The following OR1M1 variants were observed in gnomAD, a reference collection of about 807,000 sequenced individuals.
OR1M1 encodes the protein olfactory receptor family 1 subfamily M member 1.
For missense variants in OR1M1, 397 were observed against 401.8 expected (o/e 0.99, Z 0.10); for synonymous variants, 157 against 165.5 (o/e 0.95, Z 0.39).
chr19:9,092,573 C>T (rs140907584), intron 1 of OR1M1, among the ~76,000 whole-genome samples: 43 of 152,178 alleles, frequency 2.8e-4, no homozygotes, highest in Non-Finnish European at 5.3e-4. Flanking sequence ...ACTGCACTCC[C>T]TCCTGGGTGA....
At chr19:9,092,933 T>G (rs1444816047) in intron 1 of OR1M1, among the ~76,000 whole-genome samples, 1 of 148,712 alleles carries the variant, frequency 6.7e-6, no homozygotes, top group Non-Finnish European at 1.5e-5. Flanking sequence ...ATACATAATA[T>G]GTAATAATAT....
rs1392824432 is a variant in OR1M1 at position 9,093,233 on chromosome 19, G to A, written c.-12G>A. The A allele has an allele frequency of 1.9e-6, 3 of 1,577,438 alleles. No homozygotes were observed. Among genetic ancestry groups the A allele is most frequent in the East Asian group, 2.2e-5 (1 of 44,578 alleles). On this transcript the variant is annotated splice_region_variant and 5_prime_UTR_variant, in exon 2 of 2. Coordinates refer to ENST00000641627, the MANE Select transcript of OR1M1 (RefSeq NM_001004456.2). The stretch of plus-strand genomic sequence containing the variant: ...AACCTCCCCTTTCCATACTTCCAGA[G>A]GAATCACACCCATGGAACCAAGAAA...
At chr19:9,090,091 G>A (rs561098900) in intron 1 of OR1M1, among the ~76,000 whole-genome samples, 2 of 152,222 alleles carry the variant, frequency 1.3e-5, no homozygotes, top group South Asian at 4.1e-4. Flanking sequence ...AGAGACCTTC[G>A]ATCAGTGCCT....
chr19:9,089,358 G>A (rs935042102), intron 1 of OR1M1, among the ~76,000 whole-genome samples: 17 of 151,030 alleles, frequency 1.1e-4, no homozygotes, highest in African/African-American at 3.4e-4. Context: ...CCATGTTGCT[G>A]TAAATGACAA....
At chr19:9,088,173 G>A (rs2050274418) in intron 1 of OR1M1, among the ~76,000 whole-genome samples, 1 of 152,136 alleles carries the variant, frequency 6.6e-6, no homozygotes, top group African/African-American at 2.4e-5. Flanking sequence ...TTACAAGCAT[G>A]AGCCACTGCG....
At chr19:9,092,629 T>C (rs142480168) in intron 1 of OR1M1, among the ~76,000 whole-genome samples, 1,926 of 151,882 alleles carry the variant, frequency 0.013, 47 homozygotes, top group African/African-American at 0.043. Context: ...TAGCCTGGCG[T>C]GGTGGCTCAC....
At chr19:9,090,027 T>C (rs2050284378) in intron 1 of OR1M1, among the ~76,000 whole-genome samples, 2 of 152,228 alleles carry the variant, frequency 1.3e-5, no homozygotes, top group South Asian at 4.1e-4. Context: ...CTTCCATTTC[T>C]TCCTGCATGA....
chr19:9,093,191 C>G (rs747426471), intron 1 of OR1M1, 41 bp from the exon 2 acceptor site: 1 of 1,314,392 alleles, frequency 7.6e-7, no homozygotes, highest in Admixed American at 2.1e-5. Context: ...CCAAAACCAT[C>G]TCCCTGTCAT....
chr19:9,093,648 T>C lies in OR1M1; in HGVS notation c.404T>C (p.Ile135Thr). The C allele has an allele frequency of 6.2e-7, 1 of 1,614,170 alleles. No individual in the cohort carries two copies. ...TGCCACCCATTGCACTACGCCAAGA[T>C]CATGAGCCTACGCCTCTGTCGCCTG... Reference protein sequence around the residue: ...AICHPLHYAKIMSLRLCRLLV... With the variant: ...AICHPLHYAKTMSLRLCRLLV... The change falls in exon 2 of 2, where the codon ATC (isoleucine) becomes ACC (threonine). Residue 135 changes from isoleucine to threonine, a missense_variant. Transcript: ENST00000641627.
intron 1 of OR1M1, among the ~76,000 whole-genome samples, chr19:9,088,396 T>C (rs924077326): frequency 1.3e-5 from 2 of 152,102 alleles, no homozygotes; most frequent in South Asian, 2.1e-4. Flanking sequence ...GGAGAGAGGC[T>C]CATCAAGAAG....
chr19:9,090,335 G>A (rs181214953), intron 1 of OR1M1, among the ~76,000 whole-genome samples: 8 of 152,198 alleles, frequency 5.3e-5, no homozygotes, highest in East Asian at 1.9e-4. Flanking sequence ...ATGAATGAAC[G>A]AATGCGTGAG....
chr19:9,094,448 C>G lies in OR1M1; in HGVS notation c.*262C>G. ...CTAATTTGGCCAGGCTGGTCTGGAA[C>G]TCCTGGGCTCAAGCAGTACTTCCCC... On this transcript the variant is annotated 3_prime_UTR_variant, in exon 2 of 2. Transcript: ENST00000641627. 1 of 316,762 alleles carries G rather than the reference C, an allele frequency of 3.2e-6. No individual in the cohort carries two copies. 19.6% of individuals were successfully genotyped at this position (316,762 alleles called of 1,614,324 possible).
At chr19:9,090,115 A>C (rs2050284740) in intron 1 of OR1M1, among the ~76,000 whole-genome samples, 1 of 152,206 alleles carries the variant, frequency 6.6e-6, no homozygotes, top group South Asian at 2.1e-4. Flanking sequence ...AATACAGGAT[A>C]ACCATCACTG....
chr19:9,093,436 C>T lies in OR1M1; in HGVS notation c.192C>T (p.Ala64=). 1.2e-6 allele frequency: 2 copies of T among 1,614,092 alleles called. No homozygotes were observed. The highest frequency in any genetic ancestry group is 1.7e-5 in the Admixed American group (1 of 59,978). Residue 64 remains alanine, a synonymous_variant, in exon 2 of 2, where the codon GCC becomes GCT. Transcript: ENST00000641627. ...ACACCCCCATGTACTTCTTCCTGGC[C>T]AACCTGTCCCTGGTTGATTTCTGTC... ...HLHTPMYFFL[A]NLSLVDFCLA...
At chr19:9,087,299 A>C (rs530493769) in intron 1 of OR1M1, 142 bp downstream of exon 1, 3 of 152,182 alleles carry the variant, frequency 2.0e-5, no homozygotes, top group South Asian at 4.2e-4. Flanking sequence ...TATTTTAGAG[A>C]CAGAACCTTG....
intron 1 of OR1M1, among the ~76,000 whole-genome samples, chr19:9,089,421 ATTTTT>A (rs35699571): frequency 1.7e-5 from 2 of 118,724 alleles, no homozygotes; most frequent in Non-Finnish European, 1.7e-5. Flanking sequence ...TTTCTACCAC[ATTTTT>A]TTTTTTTTTT....
At chr19:9,091,513 G>A (rs1199508033) in intron 1 of OR1M1, among the ~76,000 whole-genome samples, 1 of 152,072 alleles carries the variant, frequency 6.6e-6, no homozygotes, top group Non-Finnish European at 1.5e-5. Flanking sequence ...ACAAAAGTGA[G>A]CTGGGCATGG....
intron 1 of OR1M1, among the ~76,000 whole-genome samples, chr19:9,092,365 G>A (rs1271494440): frequency 6.6e-6 from 1 of 152,022 alleles, no homozygotes; most frequent in Non-Finnish European, 1.5e-5. Context: ...AGGCCTAGAT[G>A]GGAGGATCAC....
At position 9,095,573 on chromosome 19, in the gene OR1M1, A is replaced by T. The variant is rs1600200602; in HGVS notation, c.*1387A>T. The T allele has an allele frequency of 1.3e-5, 2 of 151,616 alleles. No homozygotes were observed. The highest frequency in any genetic ancestry group is 3.9e-4 in the East Asian group (2 of 5,122). The allele number at this position is 151,616 out of a possible 1,614,324, so 9.4% of individuals were successfully genotyped here. On this transcript the variant is annotated 3_prime_UTR_variant, in exon 2 of 2. Coordinates refer to ENST00000641627, the MANE Select transcript of OR1M1 (RefSeq NM_001004456.2). ...GGCTAATTTATTTTTATTTGTATAT[A>T]TTTTTTTGGTAGAGATGGGGTCTCA...
Sources: gnomAD v4.1 joint callset for allele counts (sites outside exome capture counted in the v4.1 genomes callset) on GRCh38, gnomAD v4.1.1 for gene constraint, MANE v1.5 for transcripts, NCBI Gene and HGNC (gene_info 2026-07-23, HGNC 2026-07-21) for gene names.